Variants in SLC16A9 observed in about 807,000 individuals in gnomAD.
SLC16A9 encodes monocarboxylate transporter 9.
In SLC16A9, 26 loss-of-function variants were observed where a neutral mutation model predicts 44.3. The observed-to-expected ratio is 0.59, with a 90% CI of 0.43 to 0.81. SLC16A9 has a LOEUF of 0.81. Ranked by LOEUF, SLC16A9 falls within the 40% of genes least tolerant of loss-of-function variation. The pLI is 0.00. For missense variants in SLC16A9, 559 were observed against 595.8 expected, an observed-to-expected ratio of 0.94 and a Z score of 0.64; for synonymous variants, 230 against 225.1, an observed-to-expected ratio of 1.02 and a Z score of -0.19.
At chr10:59,707,925 C>T (rs1840681282) in intron 1 of SLC16A9, among the ~76,000 whole-genome samples, 1 of 152,158 alleles carries the variant, frequency 6.6e-6, no homozygotes, top group African/African-American at 2.4e-5. Context: ...GAAAAGATTT[C>T]CTAATGTCTT....
intron 2 of SLC16A9, among the ~76,000 whole-genome samples, chr10:59,675,224 A>C (rs1457188361): frequency 6.6e-6 from 1 of 152,210 alleles, no homozygotes; most frequent in East Asian, 1.9e-4. Context: ...GAACTCAGAA[A>C]GATCATGTGA....
At chr10:59,686,712 A>G (rs927709601) in intron 1 of SLC16A9, among the ~76,000 whole-genome samples, 4 of 152,368 alleles carry the variant, frequency 2.6e-5, no homozygotes, top group African/African-American at 4.8e-5. Flanking sequence ...ACAATGCAAT[A>G]CAGTCATATA....
At chr10:59,707,497 A>C (rs988188169) in intron 1 of SLC16A9, among the ~76,000 whole-genome samples, 3 of 151,410 alleles carry the variant, frequency 2.0e-5, no homozygotes, top group Admixed American at 6.6e-5. Context: ...AGTTTAAGAG[A>C]TCTATTGTGC....
At chr10:59,699,516 T>A (rs1017963303) in intron 1 of SLC16A9, among the ~76,000 whole-genome samples, 1 of 152,038 alleles carries the variant, frequency 6.6e-6, no homozygotes, top group Non-Finnish European at 1.5e-5. Context: ...CAGCCAAGAG[T>A]GTGACCTTCA....
chr10:59,696,521 G>A (rs1310936333), intron 1 of SLC16A9, among the ~76,000 whole-genome samples: 11 of 152,196 alleles, frequency 7.2e-5, no homozygotes, highest in Admixed American at 5.2e-4. Flanking sequence ...CTGCCCGGCC[G>A]CCACCCCGTC....
At chr10:59,700,696 G>T (rs558038309) in intron 1 of SLC16A9, among the ~76,000 whole-genome samples, 3 of 152,256 alleles carry the variant, frequency 2.0e-5, no homozygotes, top group African/African-American at 7.2e-5. Flanking sequence ...GCATGAAAGG[G>T]TACTCTCCCT....
At chr10:59,670,380 T>C (rs546871149) in intron 3 of SLC16A9, among the ~76,000 whole-genome samples, 3 of 152,230 alleles carry the variant, frequency 2.0e-5, no homozygotes, top group Non-Finnish European at 4.4e-5. Context: ...CATTGCACTA[T>C]GTCACCCATC....
chr10:59,653,425 C>CAAAAAAAAAAAAAAAAAAA (rs562805430), intron 5 of SLC16A9, among the ~76,000 whole-genome samples: 433 of 36,756 alleles, frequency 0.012, 128 homozygotes, highest in Non-Finnish European at 0.021. Flanking sequence ...AACTCCGTCT[C>CAAAAAAAAAAAAAAAAAAA]AAAAAAAAAA....
intron 1 of SLC16A9, among the ~76,000 whole-genome samples, chr10:59,693,112 AG>A (rs1840287280): frequency 6.6e-6 from 1 of 152,210 alleles, no homozygotes; most frequent in Admixed American, 6.5e-5. Context: ...ATACTGTTCA[AG>A]GGGTAAAAAG....
chr10:59,676,333 A>G (rs1344965445), intron 2 of SLC16A9, among the ~76,000 whole-genome samples: 1 of 152,198 alleles, frequency 6.6e-6, no homozygotes, highest in Admixed American at 6.5e-5. Flanking sequence ...AATGTGATAT[A>G]TTTATGTATT....
chr10:59,663,595 C>G (rs1839533985), intron 4 of SLC16A9, among the ~76,000 whole-genome samples: 1 of 151,076 alleles, frequency 6.6e-6, no homozygotes, highest in African/African-American at 2.4e-5. Flanking sequence ...ACATCACACA[C>G]CAGGGCCTGT....
chr10:59,653,692 A>G lies in SLC16A9; in HGVS notation c.1334T>C (p.Leu445Pro), dbSNP rs751765128. The G allele has an allele frequency of 3.1e-6, 5 of 1,613,284 alleles. No homozygotes were observed. The highest frequency in any genetic ancestry group is 4.2e-6 in the Non-Finnish European group (5 of 1,179,554). Residue 445 changes from leucine (L) to proline (P), a missense_variant, in exon 5 of 6, where the codon CTA becomes CCA. Coordinates refer to ENST00000395348, the MANE Select transcript of SLC16A9 (RefSeq NM_194298.3). ...TATCTTACCAACGATGGGTGGTCCT[A>G]GGCTATTTCCAAGTCCAGCAAAGAA... The part of the protein sequence containing the change: ...LMFFAGLGNS[L>P]GPPIVGWFYD...
At chr10:59,683,270 A>G (rs1436539654) in intron 2 of SLC16A9, among the ~76,000 whole-genome samples, 1 of 152,226 alleles carries the variant, frequency 6.6e-6, no homozygotes, top group Non-Finnish European at 1.5e-5. Flanking sequence ...AATATGTTGG[A>G]ATAATGGTCA....
chr10:59,709,558 G>A lies in SLC16A9; in HGVS notation c.-116C>T. On this transcript the variant is annotated 5_prime_UTR_variant, in exon 1 of 6. Coordinates refer to ENST00000395348, the MANE Select transcript of SLC16A9 (RefSeq NM_194298.3). ...GTGCGGCCGGGCTGGTGGTGTGGTG[G>A]GGATCGCGGCCGCCGCTCTCCCCTG... The A allele has an allele frequency of 6.6e-6, 1 of 152,546 alleles. No homozygotes were observed. Among genetic ancestry groups the A allele is most frequent in the Non-Finnish European group, 1.5e-5 (1 of 68,260 alleles). 9.4% of individuals were successfully genotyped at this position (152,546 alleles called of 1,614,324 possible). A position where few individuals can be genotyped will look rare whatever the true frequency, so the allele number is the denominator to read the frequency against.
intron 3 of SLC16A9, 86 bp downstream of exon 3, chr10:59,672,684 A>T: frequency 7.5e-7 from 1 of 1,328,752 alleles, no homozygotes; most frequent in Non-Finnish European, 1.0e-6. Flanking sequence ...TCACTCCTTT[A>T]CATTAACTGG....
chr10:59,660,123 T>C (rs1839437741), intron 4 of SLC16A9, among the ~76,000 whole-genome samples: 1 of 151,998 alleles, frequency 6.6e-6, no homozygotes, highest in African/African-American at 2.4e-5. Flanking sequence ...ATTCAAACGC[T>C]AGCATGAGAC....
At chr10:59,665,586 A>T (rs116938061) in intron 3 of SLC16A9, among the ~76,000 whole-genome samples, 190 of 152,276 alleles carry the variant, frequency 1.2e-3, no homozygotes, top group Middle Eastern at 6.8e-3. Context: ...CTAAGACATG[A>T]GTTGGATTAA....
chr10:59,708,776 C>A (rs539573215), intron 1 of SLC16A9: 1 of 152,338 alleles, frequency 6.6e-6, no homozygotes, highest in African/African-American at 2.4e-5. Flanking sequence ...GAAGCCAGAG[C>A]AGGTTACCTA....
chr10:59,675,238 G>T (rs1296781437), intron 2 of SLC16A9, among the ~76,000 whole-genome samples: 2 of 152,176 alleles, frequency 1.3e-5, no homozygotes, highest in Non-Finnish European at 2.9e-5. Context: ...CATGTGATTT[G>T]ACCAAGAGTC....
Sources: allele counts gnomAD v4.1 joint callset (sites outside exome capture counted in the v4.1 genomes callset), GRCh38; gene constraint gnomAD v4.1.1; transcripts MANE v1.5; gene names NCBI Gene and HGNC (gene_info 2026-07-23, HGNC 2026-07-21).